Variants in KMT2C observed in about 807,000 individuals in gnomAD.
The protein encoded by KMT2C is histone-lysine N-methyltransferase 2C.
Under a neutral mutation model 507.9 loss-of-function variants are expected in KMT2C, and 88 were observed. The ratio of observed to expected loss-of-function variants is 0.17; its 90% CI spans 0.15 to 0.21. The LOEUF (loss-of-function observed/expected upper bound fraction) is 0.21, where lower values mean the gene tolerates loss of function less well. KMT2C is among the 10% of genes least tolerant of loss of function. KMT2C has a pLI of 1.00. For synonymous variants in KMT2C, 2,049 were observed against 2,080.8 expected, an observed-to-expected ratio of 0.98 and a Z score of 0.42; for missense variants, 4,954 against 5,957.8, an observed-to-expected ratio of 0.83 and a Z score of 5.55.
At chr7:152,244,047 G>C (rs2095429895) in intron 14 of KMT2C, among the ~76,000 whole-genome samples, 1 of 152,158 alleles carries the variant, frequency 6.6e-6, no homozygotes. Context: ...TGTGCAATGA[G>C]AGAAATGGAC....
chr7:152,427,409 GTTACTGCTAAAC>G (rs751069695), intron 1 of KMT2C, among the ~76,000 whole-genome samples: 2 of 152,170 alleles, frequency 1.3e-5, no homozygotes, highest in Non-Finnish European at 2.9e-5. Context: ...ACAAAATAAA[GTTACTGCTAAAC>G]TTACTGCTTT....
intron 9 of KMT2C, among the ~76,000 whole-genome samples, chr7:152,255,110 T>TAC (rs1554583575): frequency 1.1e-4 from 2 of 17,396 alleles, no homozygotes; most frequent in Non-Finnish European, 1.8e-4. Flanking sequence ...AACTCTCACT[T>TAC]ATATATATAT....
intron 6 of KMT2C, among the ~76,000 whole-genome samples, chr7:152,301,970 G>C (rs1292973644): frequency 1.3e-5 from 2 of 152,016 alleles, no homozygotes; most frequent in Non-Finnish European, 2.9e-5. Context: ...GTTTAAATTT[G>C]CCTATCTACA....
chr7:152,391,097 T>C (rs1247154868), intron 1 of KMT2C, among the ~76,000 whole-genome samples: 5 of 113,746 alleles, frequency 4.4e-5, no homozygotes, highest in South Asian at 6.3e-4. Flanking sequence ...TGAGCCGAGA[T>C]TGCACCACTG....
chr7:152,384,038 G>GTGTGTC (rs2097398425), intron 1 of KMT2C, among the ~76,000 whole-genome samples: 1 of 147,092 alleles, frequency 6.8e-6, no homozygotes, highest in Admixed American at 6.7e-5. Flanking sequence ...AGGCAGACAT[G>GTGTGTC]TGTGTCTGTG....
intron 34 of KMT2C, 72 bp downstream of exon 34, chr7:152,185,486 A>G (rs1343270001): frequency 1.8e-6 from 2 of 1,139,458 alleles, no homozygotes; most frequent in Non-Finnish European, 2.6e-6. Context: ...TTTGTTTTTT[A>G]TTAACCTAAT....
At chr7:152,153,172 G>T (rs185854257) in intron 48 of KMT2C, among the ~76,000 whole-genome samples, 1 of 152,164 alleles carries the variant, frequency 6.6e-6, no homozygotes, top group East Asian at 1.9e-4. Flanking sequence ...CTCATAAAGG[G>T]ATTCCAATTA....
intron 1 of KMT2C, chr7:152,368,095 T>A (rs1321176952): frequency 2.2e-6 from 2 of 918,190 alleles, no homozygotes; most frequent in Non-Finnish European, 3.7e-6. Flanking sequence ...CTTGCTGTGG[T>A]AAGCTAGTAA....
At position 152,179,945 on chromosome 7, in the gene KMT2C, C is replaced by G. The variant is rs1218417448; in HGVS notation, c.7331G>C (p.Arg2444Thr). The change falls in exon 37 of 59, where the codon AGG (arginine) becomes ACG (threonine). Residue 2444 changes from arginine (R) to threonine (T), a missense_variant. By Grantham distance (71) the Arg-to-Thr change is moderately conservative. Transcript: ENST00000262189. Reference sequence around the variant, plus strand: ...TCCTAAAGGAGGGGCAACAGGAGACCTAATGTTCCCAGGATAGGGAGGTGG... The same window carrying G: ...TCCTAAAGGAGGGGCAACAGGAGACGTAATGTTCCCAGGATAGGGAGGTGG... ...RPPPPYPGNI[R>T]SPVAPPLGPR... 3.1e-6 allele frequency: 5 copies of G among 1,614,062 alleles called. No individual in the cohort carries two copies. In the South Asian group the frequency reaches 5.5e-5, roughly 18 times the overall value.
At position 152,154,269 on chromosome 7, in the gene KMT2C, T is replaced by C. The variant is rs2091882409; in HGVS notation, c.12137A>G (p.Lys4046Arg). ...ATAAGGTTAAGTGTTGTTCTTACTTTTCCCAGCAGTGCTAGGAAGAATTGG... is the reference window on the plus strand; with the variant it reads ...ATAAGGTTAAGTGTTGTTCTTACTTCTCCCAGCAGTGCTAGGAAGAATTGG... ...IIPILPSTAGKSSESRRNDIK... is the reference protein window; with the variant it reads ...IIPILPSTAGRSSESRRNDIK... Residue 4046 changes from lysine to arginine, a missense_variant and splice_region_variant, in exon 47 of 59, where the codon AAA becomes AGA. Coordinates refer to ENST00000262189, the MANE Select transcript of KMT2C (RefSeq NM_170606.3). The C allele has an allele frequency of 1.2e-6, 2 of 1,614,182 alleles. No individual in the cohort carries two copies. The highest frequency in any genetic ancestry group is 1.6e-4 in the Middle Eastern group (1 of 6,062).
At chr7:152,294,191 T>A (rs1040421777) in intron 6 of KMT2C, among the ~76,000 whole-genome samples, 11 of 152,198 alleles carry the variant, frequency 7.2e-5, no homozygotes, top group Non-Finnish European at 1.6e-4. Flanking sequence ...TAAGTAGATA[T>A]ATGCCTAACG....
At chr7:152,370,044 A>T (rs1235382317) in intron 1 of KMT2C, among the ~76,000 whole-genome samples, 1 of 152,092 alleles carries the variant, frequency 6.6e-6, no homozygotes, top group African/African-American at 2.4e-5. Flanking sequence ...ATACAAAAAA[A>T]TTAGCTGGGC....
At chr7:152,255,845 C>T (rs1296407729) in intron 9 of KMT2C, among the ~76,000 whole-genome samples, 2 of 152,092 alleles carry the variant, frequency 1.3e-5, no homozygotes, top group Non-Finnish European at 2.9e-5. Flanking sequence ...ACATCAACTC[C>T]AAATAGATCA....
chr7:152,413,000 C>A (rs1165380820), intron 1 of KMT2C, among the ~76,000 whole-genome samples: 3 of 152,084 alleles, frequency 2.0e-5, no homozygotes, highest in Non-Finnish European at 4.4e-5. Context: ...AGCCCCTCTA[C>A]AAGGCAGTTG....
chr7:152,260,145 G>A (rs2095744046), intron 9 of KMT2C, among the ~76,000 whole-genome samples: 1 of 152,148 alleles, frequency 6.6e-6, no homozygotes, highest in African/African-American at 2.4e-5. Context: ...TTTAGTAACT[G>A]AAAAAACTGC....
Position 152,148,279 on chromosome 7 carries a change from C to A in KMT2C, c.13648G>T (p.Val4550Leu). 1 of 1,614,256 alleles carries A rather than the reference C, an allele frequency of 6.2e-7. No individual in the cohort carries two copies. Among genetic ancestry groups the A allele is most frequent in the Non-Finnish European group, 8.5e-7 (1 of 1,180,058 alleles). ...QRGERDHTFR[V>L]GSLIFHTIGQ... The stretch of plus-strand genomic sequence containing the variant: ...ATTGTGTGGAAGATGAGGCTACCCA[C>A]GCGAAAGGTATGGTCCCGTTCTCCT... The change falls in exon 52 of 59, where the codon GTG (valine) becomes TTG (leucine). Residue 4550 changes from valine to leucine, a missense_variant. Transcript: ENST00000262189. This position sits in a 1 kb window ranked among gnomAD's most constrained non-coding sequence, Gnocchi z 7.1.
chr7:152,433,906 G>A lies in KMT2C; in HGVS notation c.161+1720C>T, dbSNP rs560333794. 7.9e-5 allele frequency among the ~76,000 whole-genome samples: 12 copies of A among 152,384 alleles called. No individual in the cohort carries two copies. In the East Asian group the frequency reaches 2.3e-3, roughly 29 times the overall value. Reference sequence around the variant, plus strand: ...AAGCACGCCCTTACAGGAGTATGGGGTGTGGGGTGTGACAACATAGATCTA... The same window carrying A: ...AAGCACGCCCTTACAGGAGTATGGGATGTGGGGTGTGACAACATAGATCTA... On this transcript the variant is annotated intron_variant, in intron 1 of 58. Transcript: ENST00000262189.
rs1289716015 is a variant in KMT2C at position 152,249,942 on chromosome 7, G to T, written c.1747C>A (p.His583Asn). ...TGACTCTTCTGTTGCTCTTCAGTGT[G>T]GACTTGAACCGCTGTGAGTAACACA... ...PGIVPDAVQV[H>N]TEEQQKSHPS... Residue 583 changes from histidine (H) to asparagine (N), a missense_variant, in exon 13 of 59, where the codon CAC (histidine) becomes AAC (asparagine). Transcript: ENST00000262189. 6.2e-7 allele frequency: 1 copy of T among 1,608,026 alleles called. No homozygotes were observed. Among genetic ancestry groups the T allele is most frequent in the Non-Finnish European group, 8.5e-7 (1 of 1,175,116 alleles).
At chr7:152,241,622 G>A (rs200889990) in intron 14 of KMT2C, among the ~76,000 whole-genome samples, 1 of 152,276 alleles carries the variant, frequency 6.6e-6, no homozygotes, top group African/African-American at 2.4e-5. Context: ...TCACCACCTA[G>A]GACGTTTTAT....
Sources: allele counts gnomAD v4.1 joint callset (sites outside exome capture counted in the v4.1 genomes callset), GRCh38; gene constraint gnomAD v4.1.1; non-coding constraint Gnocchi (gnomAD v3.1); transcripts MANE v1.5; gene names NCBI Gene and HGNC (gene_info 2026-07-23, HGNC 2026-07-21).